The following AKR1C8 variants were observed in gnomAD, a reference collection of about 807,000 sequenced individuals.
AKR1C8 encodes aldo-keto reductase family 1 member C-like protein 1.
chr10:5,173,502 G>A, the AKR1C8 span, among the ~76,000 whole-genome samples: 1 of 151,898 alleles, frequency 6.6e-6, no homozygotes, highest in South Asian at 2.1e-4. Flanking sequence ...AAAGGCATGA[G>A]AATAAAGAAG....
the AKR1C8 span, among the ~76,000 whole-genome samples, chr10:5,148,942 G>GA: frequency 4.5e-4 from 68 of 151,280 alleles, 1 homozygote; most frequent in African/African-American, 1.6e-3. Context: ...CAGAAAGAAA[G>GA]AAAAAATAGA....
the AKR1C8 span, among the ~76,000 whole-genome samples, chr10:5,126,480 G>A: frequency 2.0e-5 from 3 of 152,032 alleles, no homozygotes; most frequent in Admixed American, 2.0e-4. Flanking sequence ...CCTTTACGTT[G>A]ATAAGATAGG....
the AKR1C8 span, among the ~76,000 whole-genome samples, chr10:5,141,377 T>G: frequency 0.018 from 2,687 of 152,282 alleles, 75 homozygotes; most frequent in African/African-American, 0.061. Context: ...GAGTTGTAAT[T>G]AACTTTTTCC....
At chr10:5,137,664 C>T in the AKR1C8 span, among the ~76,000 whole-genome samples, 1 of 152,086 alleles carries the variant, frequency 6.6e-6, no homozygotes, top group Non-Finnish European at 1.5e-5. Context: ...TGAAAACTGG[C>T]ACAATATTGG....
the AKR1C8 span, chr10:5,135,103 C>A: frequency 4.9e-6 from 1 of 205,132 alleles, no homozygotes. Context: ...TCTAGCTTTG[C>A]TCTTTTAAAT....
chr10:5,145,130 A>G, the AKR1C8 span, among the ~76,000 whole-genome samples: 1 of 152,108 alleles, frequency 6.6e-6, no homozygotes, highest in Non-Finnish European at 1.5e-5. Context: ...TGAGATAATC[A>G]TGTGGTTTTT....
the AKR1C8 span, among the ~76,000 whole-genome samples, chr10:5,179,580 A>G: frequency 2.7e-5 from 4 of 150,584 alleles, no homozygotes; most frequent in South Asian, 2.1e-4. Flanking sequence ...GGGTTTTCCA[A>G]CTTGGTTCCA....
the AKR1C8 span, among the ~76,000 whole-genome samples, chr10:5,179,550 C>A: frequency 6.6e-6 from 1 of 151,880 alleles, no homozygotes; most frequent in East Asian, 1.9e-4. Flanking sequence ...GAGAAGTTCT[C>A]CTGGATAATA....
At chr10:5,162,803 A>G in the AKR1C8 span, 1 of 444,684 alleles carries the variant, frequency 2.2e-6, no homozygotes, top group Non-Finnish European at 4.7e-6. Flanking sequence ...TCAAAATAAT[A>G]TATCTGAACT....
chr10:5,142,520 T>G, the AKR1C8 span, among the ~76,000 whole-genome samples: 1 of 152,152 alleles, frequency 6.6e-6, no homozygotes, highest in South Asian at 2.1e-4. Context: ...AAAAATACGT[T>G]ATTCTTTCTT....
chr10:5,124,648 CA>C, the AKR1C8 span, among the ~76,000 whole-genome samples: 1 of 151,854 alleles, frequency 6.6e-6, no homozygotes, highest in African/African-American at 2.4e-5. Context: ...GTAAACAATA[CA>C]AAAAATTAAA....
chr10:5,171,573 A>C, the AKR1C8 span, among the ~76,000 whole-genome samples: 948 of 152,170 alleles, frequency 6.2e-3, 4 homozygotes, highest in Non-Finnish European at 0.011. Context: ...TTTAAATTTA[A>C]TTTTTAATAA....
chr10:5,133,662 A>G, the AKR1C8 span, among the ~76,000 whole-genome samples: 1 of 152,208 alleles, frequency 6.6e-6, no homozygotes, highest in Non-Finnish European at 1.5e-5. Context: ...AGTCTTGTAA[A>G]CAAAGCAGAT....
the AKR1C8 span, among the ~76,000 whole-genome samples, chr10:5,145,593 A>G: frequency 6.6e-6 from 1 of 152,242 alleles, no homozygotes; most frequent in South Asian, 2.1e-4. Flanking sequence ...AAACACATGA[A>G]AAAATGCTCA....
the AKR1C8 span, among the ~76,000 whole-genome samples, chr10:5,166,733 G>A: frequency 6.6e-6 from 1 of 152,068 alleles, no homozygotes; most frequent in South Asian, 2.1e-4. Flanking sequence ...CATGGGCAAG[G>A]ACTTCATGTC....
chr10:5,171,174 A>T, the AKR1C8 span, among the ~76,000 whole-genome samples: 1 of 152,116 alleles, frequency 6.6e-6, no homozygotes, highest in Non-Finnish European at 1.5e-5. Flanking sequence ...CTCCAAAGTT[A>T]TCAGAAACCT....
chr10:5,167,990 G>C, the AKR1C8 span, among the ~76,000 whole-genome samples: 1 of 151,730 alleles, frequency 6.6e-6, no homozygotes, highest in African/African-American at 2.4e-5. Flanking sequence ...AGATTTCCTT[G>C]TCAATTGCTA....
chr10:5,125,282 G>T, the AKR1C8 span, among the ~76,000 whole-genome samples: 1 of 151,954 alleles, frequency 6.6e-6, no homozygotes, highest in South Asian at 2.1e-4. Context: ...ATACAGATGG[G>T]GTATTAAATA....
chr10:5,121,368 C>A, the AKR1C8 span, among the ~76,000 whole-genome samples: 1 of 152,126 alleles, frequency 6.6e-6, no homozygotes, highest in Admixed American at 6.6e-5. Context: ...AGGATCTTAT[C>A]TTGGTAGAGG....
Sources: gnomAD v4.1 joint callset for allele counts (sites outside exome capture counted in the v4.1 genomes callset) on GRCh38, gnomAD v4.1.1 for gene constraint, MANE v1.5 for transcripts, NCBI Gene and HGNC (gene_info 2026-07-23, HGNC 2026-07-21) for gene names.